H3-3B: variants seen among roughly 807,000 people sequenced by gnomAD.
H3-3B encodes histone H3.3.
In H3-3B, 2 loss-of-function variants were observed where a neutral mutation model predicts 13.1. That is an observed-to-expected ratio of 0.15 (90% CI 0.06 to 0.48). H3-3B has a LOEUF of 0.48. Ranked by LOEUF, H3-3B falls within the 20% of genes least tolerant of loss-of-function variation. The pLI, the probability that H3-3B is intolerant of heterozygous loss-of-function variation, is 0.97. For missense variants in H3-3B, 39 were observed against 186.0 expected, an observed-to-expected ratio of 0.21 and a Z score of 4.60; for synonymous variants, 133 against 75.8, an observed-to-expected ratio of 1.76 and a Z score of -3.92.
At position 75,778,571 on chromosome 17, in the gene H3-3B, A is replaced by G; in HGVS notation, c.*24T>C. ...AAAGTATTTTACAGAATTTACTACA[A>G]AACGCCATAAAAACTGCCTTCACTT... On this transcript the variant is annotated 3_prime_UTR_variant, in exon 4 of 4. Transcript: ENST00000254810. The G allele has an allele frequency of 1.2e-6, 2 of 1,600,838 alleles. No homozygotes were observed. Among genetic ancestry groups the G allele is most frequent in the Non-Finnish European group, 1.7e-6 (2 of 1,174,414 alleles).
Position 75,778,550 on chromosome 17 carries a change from T to C in H3-3B, c.*45A>G, listed in dbSNP as rs199968433. 20 of 1,581,576 alleles carry C rather than the reference T, an allele frequency of 1.3e-5. No individual in the cohort carries two copies. The highest frequency in any genetic ancestry group is 1.7e-6 in the Non-Finnish European group (2 of 1,164,248). On this transcript the variant is annotated 3_prime_UTR_variant, in exon 4 of 4. Transcript: ENST00000254810. Reference sequence around the variant, plus strand: ...AAAAAAGTCACAAATTAAACCAAAGTATTTTACAGAATTTACTACAAAACG... The same window carrying C: ...AAAAAAGTCACAAATTAAACCAAAGCATTTTACAGAATTTACTACAAAACG...
rs993342434 is a variant in H3-3B, at chr17:75,779,121, G to A, written c.54C>T (p.Arg18=). ...TGGCGGCTTTCGTGGCCAGCTGTTT[G>A]CGGGGGGCTTTCCCACCGGTGGACT... The part of the protein sequence containing the change: ...ARKSTGGKAP[R]KQLATKAARK... Residue 18 remains arginine, a synonymous_variant, in exon 2 of 4, where the codon CGC becomes CGT. Transcript: ENST00000254810. 6 of 1,604,182 alleles carry A rather than the reference G, an allele frequency of 3.7e-6. No individual in the cohort carries two copies. Among genetic ancestry groups the A allele is most frequent in the Non-Finnish European group, 1.7e-6 (2 of 1,176,320 alleles).
In H3-3B at chr17:75,778,732, G is replaced by A. The variant is rs146166921; in HGVS notation, c.283-9C>T. The stretch of plus-strand genomic sequence containing the variant: ...TACGCTTCGCTAGCCTCCTGTTGAG[G>A]ACGAGAGCCGCACTATTAATCCCAC... On this transcript the variant is annotated splice_polypyrimidine_tract_variant and intron_variant, in intron 3 of 3. Transcript: ENST00000254810. 1,123 of 1,614,164 alleles carry A rather than the reference G, an allele frequency of 7.0e-4. No individual in the cohort carries two copies. Among genetic ancestry groups the A allele is most frequent in the Non-Finnish European group, 8.9e-4 (1,052 of 1,180,030 alleles).
rs2061643913 is a variant in H3-3B at position 75,777,455 on chromosome 17, T to TAAG, written c.*1139_*1140insCTT. ...TACATTCAATTTAGGTTTTGGACAC[T>TAAG]TAGTTGGATAAACAAGTTTATTTGT... On this transcript the variant is annotated 3_prime_UTR_variant, in exon 4 of 4. Coordinates refer to ENST00000254810, the MANE Select transcript of H3-3B (RefSeq NM_005324.5). The TAAG allele has an allele frequency of 3.9e-5, 6 of 152,678 alleles. No individual in the cohort carries two copies. The highest frequency in any genetic ancestry group is 1.2e-4 in the African/African-American group (5 of 41,464). 9.5% of individuals were successfully genotyped at this position (152,678 alleles called of 1,614,324 possible).
At chr17:75,779,211 C>G (rs1466483243) in intron 1 of H3-3B, 27 bp from the exon 2 acceptor site, 1 of 1,460,506 alleles carries the variant, frequency 6.8e-7, no homozygotes, top group African/African-American at 1.4e-5. Flanking sequence ...GAAGATAAGG[C>G]CGCCGCGCTC....
chr17:75,778,717 T>TAGCCTCCTGTTGAGGACGAG lies in H3-3B; in HGVS notation c.283-14_288dup (p.Ser97LeufsTer49). ...AACAGACCCACCAGGTACGCTTCGCTAGCCTCCTGTTGAGGACGAGAGCCG... is the reference window on the plus strand; with the variant it reads ...AACAGACCCACCAGGTACGCTTCGCTAGCCTCCTGTTGAGGACGAGAGCCTCCTGTTGAGGACGAGAGCCG... On this transcript the variant is annotated frameshift_variant, in exon 4 of 4. Coordinates refer to ENST00000254810, the MANE Select transcript of H3-3B (RefSeq NM_005324.5). LOFTEE classifies it high-confidence loss of function. 1 of 1,614,156 alleles carries TAGCCTCCTGTTGAGGACGAG rather than the reference T, an allele frequency of 6.2e-7. No homozygotes were observed. The highest frequency in any genetic ancestry group is 8.5e-7 in the Non-Finnish European group (1 of 1,180,008).
At chr17:75,779,334 CCT>C in intron 1 of H3-3B, 150 bp from the exon 2 acceptor site, 2 of 744,116 alleles carry the variant, frequency 2.7e-6, no homozygotes, top group Non-Finnish European at 3.8e-6. Flanking sequence ...GGGCCGCCAA[CCT>C]CCTCCCCCTC....
Position 75,776,904 on chromosome 17 carries a change from G to A in H3-3B, c.*1691C>T, listed in dbSNP as rs951220870. On this transcript the variant is annotated 3_prime_UTR_variant, in exon 4 of 4. Coordinates refer to ENST00000254810, the MANE Select transcript of H3-3B (RefSeq NM_005324.5). ...GATTATGAACTTTCTAGAAAAGCGG[G>A]TCATTATATTGCATCCTTTCATAGG... 10 of 152,176 alleles carry A rather than the reference G, an allele frequency of 6.6e-5. No individual in the cohort carries two copies. 9.4% of individuals were successfully genotyped at this position (152,176 alleles called of 1,614,324 possible).
At position 75,777,320 on chromosome 17, in the gene H3-3B, G is replaced by A. The variant is rs554524395; in HGVS notation, c.*1275C>T. The stretch of plus-strand genomic sequence containing the variant: ...GAGAGCTGTTCACATGCTTTCTACA[G>A]TATCTTTATAAATAAAAGGTTCCTT... On this transcript the variant is annotated 3_prime_UTR_variant, in exon 4 of 4. Coordinates refer to ENST00000254810, the MANE Select transcript of H3-3B (RefSeq NM_005324.5). 5 of 152,512 alleles carry A rather than the reference G, an allele frequency of 3.3e-5. No individual in the cohort carries two copies. The South Asian group carries it at 6.2e-4, about 19-fold the overall frequency. The allele number at this position is 152,512 out of a possible 1,614,324, so 9.4% of individuals were successfully genotyped here.
rs1485974919 is a variant in H3-3B at position 75,778,233 on chromosome 17, A to G, written c.*362T>C. On this transcript the variant is annotated 3_prime_UTR_variant, in exon 4 of 4. Coordinates refer to ENST00000254810, the MANE Select transcript of H3-3B (RefSeq NM_005324.5). The stretch of plus-strand genomic sequence containing the variant: ...TGTATGGTCAGACTTAACAGCCCCA[A>G]TTGTTAAACACTTGGATCAAGTCAT... 1.1e-5 allele frequency: 2 copies of G among 188,684 alleles called. No homozygotes were observed. The highest frequency in any genetic ancestry group is 5.7e-5 in the Admixed American group (1 of 17,676). The allele number at this position is 188,684 out of a possible 1,614,324, so 11.7% of individuals were successfully genotyped here.
chr17:75,777,388 T>C lies in H3-3B; in HGVS notation c.*1207A>G, dbSNP rs892734709. The stretch of plus-strand genomic sequence containing the variant: ...CTGAAATGATCTAAGTTCAAAACAT[T>C]AGTATACAAGGACCTAGATAATGGG... On this transcript the variant is annotated 3_prime_UTR_variant, in exon 4 of 4. Transcript: ENST00000254810. The C allele has an allele frequency of 2.0e-5, 3 of 152,610 alleles. No individual in the cohort carries two copies. Among genetic ancestry groups the C allele is most frequent in the Non-Finnish European group, 2.9e-5 (2 of 68,018 alleles). The allele number at this position is 152,610 out of a possible 1,614,324, so 9.5% of individuals were successfully genotyped here. A position where few individuals can be genotyped will look rare whatever the true frequency, so the allele number is the denominator to read the frequency against.
rs944964038 is a variant in H3-3B, at chr17:75,776,451, A to G, written c.*2144T>C. ...AGAAAATCTTAACTTCAAAAATTTT[A>G]TTTTAGTCTCATCCATCAAGGGCAT... On this transcript the variant is annotated 3_prime_UTR_variant, in exon 4 of 4. Transcript: ENST00000254810. 1 of 152,166 alleles carries G rather than the reference A, an allele frequency of 6.6e-6. No homozygotes were observed. The highest frequency in any genetic ancestry group is 2.4e-5 in the African/African-American group (1 of 41,430). 9.4% of individuals were successfully genotyped at this position (152,166 alleles called of 1,614,324 possible). A position where few individuals can be genotyped will look rare whatever the true frequency, so the allele number is the denominator to read the frequency against.
intron 1 of H3-3B, chr17:75,779,416 C>T (rs951420021): frequency 1.4e-5 from 5 of 363,682 alleles, no homozygotes; most frequent in African/African-American, 2.1e-5. Context: ...GAGTCACTTC[C>T]CTTCCTCGAC....
In H3-3B at chr17:75,779,086, G is replaced by A; in HGVS notation, c.89C>T (p.Ala30Val). The A allele has an allele frequency of 6.2e-7, 1 of 1,607,134 alleles. No homozygotes were observed. The highest frequency in any genetic ancestry group is 8.5e-7 in the Non-Finnish European group (1 of 1,177,472). Residue 30 changes from alanine (A) to valine (V), a missense_variant, in exon 2 of 4, where the codon GCT (alanine) becomes GTT (valine). Ala to Val is a moderately conservative substitution (Grantham distance 64). Coordinates refer to ENST00000254810, the MANE Select transcript of H3-3B (RefSeq NM_005324.5). Reference protein sequence around the residue: ...QLATKAARKSAPSTGGVKKPH... With the variant: ...QLATKAARKSVPSTGGVKKPH... ...CTTCTTCACCCCGCCGGTAGAGGGA[G>A]CGCTTTTCCTGGCGGCTTTCGTGGC...
At position 75,778,087 on chromosome 17, in the gene H3-3B, C is replaced by T. The variant is rs1476548049; in HGVS notation, c.*508G>A. ...ATATATAAAATAGCTATTATAAATG[C>T]ACATAGTGTATTCTATAGCTGCCAG... On this transcript the variant is annotated 3_prime_UTR_variant, in exon 4 of 4. Coordinates refer to ENST00000254810, the MANE Select transcript of H3-3B (RefSeq NM_005324.5). The T allele has an allele frequency of 6.6e-6, 1 of 152,428 alleles. No individual in the cohort carries two copies. Among genetic ancestry groups the T allele is most frequent in the Non-Finnish European group, 1.5e-5 (1 of 68,182 alleles). 9.4% of individuals were successfully genotyped at this position (152,428 alleles called of 1,614,324 possible).
rs909409900 is a variant in H3-3B at position 75,776,795 on chromosome 17, C to T, written c.*1800G>A. 4 of 152,210 alleles carry T rather than the reference C, an allele frequency of 2.6e-5. No individual in the cohort carries two copies. Among genetic ancestry groups the T allele is most frequent in the African/African-American group, 7.2e-5 (3 of 41,444 alleles). 9.4% of individuals were successfully genotyped at this position (152,210 alleles called of 1,614,324 possible). A position where few individuals can be genotyped will look rare whatever the true frequency, so the allele number is the denominator to read the frequency against. On this transcript the variant is annotated 3_prime_UTR_variant, in exon 4 of 4. Transcript: ENST00000254810. ...GGTTTGTGTACTTTGTTTCCAGACA[C>T]GCTACAGCATAGCACGTTCCAACAT...
intron 1 of H3-3B, 150 bp downstream of exon 1, chr17:75,779,507 A>C: frequency 5.2e-6 from 1 of 191,942 alleles, no homozygotes; most frequent in Non-Finnish European, 1.1e-5. Context: ...CAGTTCCGGA[A>C]CAAAGCCCCA....
rs946105503 is a variant in H3-3B at position 75,778,497 on chromosome 17, T to C, written c.*98A>G. On this transcript the variant is annotated 3_prime_UTR_variant, in exon 4 of 4. Transcript: ENST00000254810. Reference sequence around the variant, plus strand: ...AAAGATGGAATGACTTAAGTACAAATGCAACATATTATAAACAATTTCTTA... The same window carrying C: ...AAAGATGGAATGACTTAAGTACAAACGCAACATATTATAAACAATTTCTTA... 1.9e-5 allele frequency: 28 copies of C among 1,485,398 alleles called. No homozygotes were observed. Among genetic ancestry groups the C allele is most frequent in the Admixed American group, 1.2e-4 (6 of 48,960 alleles). The allele number at this position is 1,485,398 out of a possible 1,614,324, so 92.0% of individuals were successfully genotyped here. A position where few individuals can be genotyped will look rare whatever the true frequency, so the allele number is the denominator to read the frequency against.
rs2061652137 is a variant in H3-3B at position 75,778,873 on chromosome 17, C to T, written c.219G>A (p.Arg73=). 6.2e-7 allele frequency: 1 copy of T among 1,614,072 alleles called. No homozygotes were observed. Among genetic ancestry groups the T allele is most frequent in the African/African-American group, 1.3e-5 (1 of 74,926 alleles). The part of the protein sequence containing the change: ...IRKLPFQRLV[R]EIAQDFKTDL... ...CGGTTTTGAAATCCTGCGCGATCTC[C>T]CTCACCAACCTCTGGAAGGGCAGCT... The change falls in exon 3 of 4, where the codon AGG becomes AGA. Residue 73 remains arginine (R), a synonymous_variant. Transcript: ENST00000254810.
Sources: allele counts gnomAD v4.1 joint callset, GRCh38; gene constraint gnomAD v4.1.1; transcripts MANE v1.5; gene names NCBI Gene and HGNC (gene_info 2026-07-23, HGNC 2026-07-21).